SV2C: variants seen among roughly 807,000 people sequenced by gnomAD.
SV2C encodes the protein solute carrier family 22 member B3.
In SV2C, 49 loss-of-function variants were observed where a neutral mutation model predicts 79.7. The observed-to-expected ratio is 0.61, with a 90% CI of 0.49 to 0.78. The LOEUF (loss-of-function observed/expected upper bound fraction) is 0.78. Ranked by LOEUF, SV2C falls within the 30% of genes least tolerant of loss-of-function variation. The pLI is 0.00. For missense variants in SV2C, 833 were observed against 912.9 expected (o/e 0.91, Z 1.13); for synonymous variants, 334 against 333.2 (o/e 1.00, Z -0.03).
At chr5:75,920,499 G>A in the SV2C span, among the ~76,000 whole-genome samples, 1 of 152,216 alleles carries the variant, frequency 6.6e-6, no homozygotes, top group Admixed American at 6.5e-5. Flanking sequence ...CAGCCACCCA[G>A]TGGGCTAAGC....
intron 4 of SV2C, among the ~76,000 whole-genome samples, chr5:76,223,523 A>C (rs1745150843): frequency 7.4e-6 from 1 of 135,222 alleles, no homozygotes; most frequent in Admixed American, 7.6e-5. Flanking sequence ...ATTTCATAAG[A>C]GACTGAAGAG....
intron 12 of SV2C, among the ~76,000 whole-genome samples, chr5:76,340,573 C>T (rs565852848): frequency 5.9e-5 from 9 of 152,262 alleles, no homozygotes; most frequent in Admixed American, 4.6e-4. Flanking sequence ...GACTGCAAGG[C>T]ACACTAATAT....
At chr5:76,142,204 G>A (rs1749277120) in intron 2 of SV2C, among the ~76,000 whole-genome samples, 1 of 152,148 alleles carries the variant, frequency 6.6e-6, no homozygotes, top group Non-Finnish European at 1.5e-5. Flanking sequence ...CTGTAAGATT[G>A]TGAGAGAAAA....
At chr5:75,968,407 C>G in the SV2C span, among the ~76,000 whole-genome samples, 418 of 152,060 alleles carry the variant, frequency 2.7e-3, 2 homozygotes, top group African/African-American at 9.2e-3. Context: ...AAACCAATGG[C>G]AAAGAAGTTA....
chr5:76,288,511 A>C (rs563019670), intron 6 of SV2C, among the ~76,000 whole-genome samples: 1 of 152,248 alleles, frequency 6.6e-6, no homozygotes, highest in Non-Finnish European at 1.5e-5. Context: ...GGCTGGAAGA[A>C]TCTTGAGACA....
chr5:76,309,857 A>G (rs1187127016), intron 12 of SV2C, among the ~76,000 whole-genome samples: 1 of 152,136 alleles, frequency 6.6e-6, no homozygotes, highest in African/African-American at 2.4e-5. Flanking sequence ...GCAGGAGCAC[A>G]ATGGCATTTT....
At position 76,210,032 on chromosome 5, in the gene SV2C, T is replaced by TC. The variant is rs1248243075; in HGVS notation, c.913+149dup. The TC allele has an allele frequency of 8.8e-6, 9 of 1,022,818 alleles. No homozygotes were observed. In the South Asian group the frequency reaches 1.2e-4, roughly 14 times the overall value. 63.4% of individuals were successfully genotyped at this position (1,022,818 alleles called of 1,614,324 possible). On this transcript the variant is annotated intron_variant, in intron 4 of 12. Transcript: ENST00000502798. The stretch of plus-strand genomic sequence containing the variant: ...CCCTTTCATAGTGTCCAGGAGTTTT[T>TC]CCCCTCTGTGTAGAGATCTGTATAA...
chr5:75,880,285 G>T, the SV2C span, among the ~76,000 whole-genome samples: 5 of 150,214 alleles, frequency 3.3e-5, no homozygotes, highest in African/African-American at 1.0e-4. Context: ...CCCTGAAAAC[G>T]GGCTTTTCTT....
the SV2C span, among the ~76,000 whole-genome samples, chr5:75,908,759 A>G: frequency 6.6e-6 from 1 of 152,146 alleles, no homozygotes; most frequent in African/African-American, 2.4e-5. Flanking sequence ...CTTTCCTCTG[A>G]CACTGTAGAT....
At chr5:76,079,091 A>G (rs561596059), upstream of SV2C, 1 of 375,426 alleles carries the variant, frequency 2.7e-6, no homozygotes, top group Admixed American at 3.7e-5. Context: ...GAAGTGGTGT[A>G]CAATGAAGAT....
chr5:75,851,097 T>C, the SV2C span, among the ~76,000 whole-genome samples: 1 of 152,252 alleles, frequency 6.6e-6, no homozygotes, highest in Non-Finnish European at 1.5e-5. Flanking sequence ...AATCCCAGGA[T>C]GGCACACAAT....
chr5:75,885,822 T>C, the SV2C span, among the ~76,000 whole-genome samples: 1 of 152,108 alleles, frequency 6.6e-6, no homozygotes, highest in East Asian at 1.9e-4. Context: ...TTTTTGACAC[T>C]AATAAGCAGA....
At chr5:76,339,598 C>A (rs1175653261) in intron 12 of SV2C, among the ~76,000 whole-genome samples, 2 of 151,650 alleles carry the variant, frequency 1.3e-5, no homozygotes, top group African/African-American at 4.8e-5. Flanking sequence ...CCTGTAGTCC[C>A]AGCTACTCAG....
At chr5:75,967,466 C>G in the SV2C span, among the ~76,000 whole-genome samples, 1 of 152,174 alleles carries the variant, frequency 6.6e-6, no homozygotes, top group Admixed American at 6.5e-5. Context: ...TCGGGTCACT[C>G]TCACCCTAAT....
At chr5:75,939,328 G>A in the SV2C span, among the ~76,000 whole-genome samples, 1 of 151,982 alleles carries the variant, frequency 6.6e-6, no homozygotes, top group South Asian at 2.1e-4. Flanking sequence ...GGAGTGTAGA[G>A]GGCCACTTTC....
At chr5:75,887,858 C>T in the SV2C span, among the ~76,000 whole-genome samples, 1 of 152,118 alleles carries the variant, frequency 6.6e-6, no homozygotes, top group Non-Finnish European at 1.5e-5. Flanking sequence ...AGTGTAGGAG[C>T]AGATCTTAGG....
chr5:75,868,358 C>T, the SV2C span, among the ~76,000 whole-genome samples: 2 of 152,214 alleles, frequency 1.3e-5, no homozygotes, highest in South Asian at 2.1e-4. Context: ...ACAAACAAAA[C>T]CAAACAAAAC....
At chr5:75,848,923 A>G in the SV2C span, among the ~76,000 whole-genome samples, 1 of 152,240 alleles carries the variant, frequency 6.6e-6, no homozygotes, top group South Asian at 2.1e-4. Context: ...GATAATATTC[A>G]ACTCCATATG....
chr5:75,851,673 C>T, the SV2C span, among the ~76,000 whole-genome samples: 1 of 151,814 alleles, frequency 6.6e-6, no homozygotes, highest in African/African-American at 2.4e-5. Flanking sequence ...CGGAGTCTTG[C>T]TCTGTCACCC....
Sources: allele counts gnomAD v4.1 joint callset (sites outside exome capture counted in the v4.1 genomes callset), GRCh38; gene constraint gnomAD v4.1.1; transcripts MANE v1.5; gene names NCBI Gene and HGNC (gene_info 2026-07-23, HGNC 2026-07-21).